Variants in GRIN2B observed in about 807,000 individuals in gnomAD.
GRIN2B encodes glutamate receptor ionotropic, NMDA 2B.
In GRIN2B, 5 loss-of-function variants were observed where a neutral mutation model predicts 114.5. The ratio of observed to expected loss-of-function variants is 0.04; its 90% CI spans 0.02 to 0.09. GRIN2B has a LOEUF of 0.09. Among genes scored for constraint, GRIN2B ranks in the 10% least tolerant of loss-of-function variants. The pLI is 1.00. For missense variants in GRIN2B, 1,108 were observed against 1,943.5 expected (o/e 0.57, Z 8.08); for synonymous variants, 787 against 745.1 (o/e 1.06, Z -0.92).
chr12:13,694,656 C>CAT (rs67570541), intron 4 of GRIN2B, among the ~76,000 whole-genome samples: 843 of 71,080 alleles, frequency 0.012, 10 homozygotes, highest in African/African-American at 0.016. Flanking sequence ...AAGAAAATGT[C>CAT]ATATATATAT....
At chr12:13,777,985 A>C (rs1231078833) in intron 3 of GRIN2B, among the ~76,000 whole-genome samples, 1 of 152,214 alleles carries the variant, frequency 6.6e-6, no homozygotes, top group Non-Finnish European at 1.5e-5. Flanking sequence ...GTCAAGCCTT[A>C]ACTGGTTTCT....
At chr12:13,800,466 G>C (rs1407239893) in intron 3 of GRIN2B, among the ~76,000 whole-genome samples, 1 of 152,020 alleles carries the variant, frequency 6.6e-6, no homozygotes, top group Non-Finnish European at 1.5e-5. Context: ...TGCTAAAGTG[G>C]CTTCATAGTT....
intron 10 of GRIN2B, among the ~76,000 whole-genome samples, chr12:13,589,511 CA>C (rs1948976451): frequency 6.6e-6 from 1 of 152,196 alleles, no homozygotes; most frequent in African/African-American, 2.4e-5. Context: ...TTAGTACCAA[CA>C]AAAAGATCAG....
intron 3 of GRIN2B, among the ~76,000 whole-genome samples, chr12:13,860,011 A>C (rs1865728141): frequency 6.6e-6 from 1 of 152,238 alleles, no homozygotes; most frequent in South Asian, 2.1e-4. Flanking sequence ...AAATTAGTGA[A>C]GAAGCGTAGG....
chr12:13,567,715 A>G (rs1049778978), intron 12 of GRIN2B, among the ~76,000 whole-genome samples: 4 of 152,126 alleles, frequency 2.6e-5, no homozygotes, highest in African/African-American at 9.7e-5. Context: ...TACATTGTAC[A>G]AAAAGGCACT....
chr12:13,640,281 A>G (rs1949703052), intron 5 of GRIN2B, among the ~76,000 whole-genome samples: 1 of 152,176 alleles, frequency 6.6e-6, no homozygotes, highest in Non-Finnish European at 1.5e-5. Context: ...AAATGTAGAT[A>G]TCAACTATAT....
chr12:13,956,562 T>A (rs181334546), intron 2 of GRIN2B, among the ~76,000 whole-genome samples: 1 of 152,292 alleles, frequency 6.6e-6, no homozygotes, highest in African/African-American at 2.4e-5. Context: ...TTTCTCCAAG[T>A]CGTTTCCTCC....
chr12:13,662,787 G>A (rs1949937078), intron 5 of GRIN2B, among the ~76,000 whole-genome samples: 1 of 152,134 alleles, frequency 6.6e-6, no homozygotes, highest in Non-Finnish European at 1.5e-5. Context: ...GAGTGAGTAG[G>A]GCAGGCTTTA....
intron 4 of GRIN2B, among the ~76,000 whole-genome samples, chr12:13,708,782 TC>T (rs1950387098): frequency 6.6e-6 from 1 of 152,112 alleles, no homozygotes; most frequent in Admixed American, 6.6e-5. Context: ...GCAGTACTGT[TC>T]AGTGTACACT....
At chr12:13,709,963 A>G (rs1043150618) in intron 4 of GRIN2B, among the ~76,000 whole-genome samples, 2 of 152,036 alleles carry the variant, frequency 1.3e-5, no homozygotes, top group East Asian at 3.9e-4. Flanking sequence ...CCACAAAAGC[A>G]TATAAACAAA....
chr12:13,669,273 C>G (rs1203862633), intron 5 of GRIN2B, among the ~76,000 whole-genome samples: 8 of 151,998 alleles, frequency 5.3e-5, no homozygotes, highest in African/African-American at 1.9e-4. Context: ...AAGTGAACAG[C>G]TGATCTCCAC....
intron 4 of GRIN2B, among the ~76,000 whole-genome samples, chr12:13,704,521 C>T (rs557414281): frequency 6.6e-6 from 1 of 152,174 alleles, no homozygotes; most frequent in East Asian, 1.9e-4. Flanking sequence ...CATTACAGTT[C>T]TTCTTGGTCA....
rs1443408608 is a variant in GRIN2B at position 13,675,877 on chromosome 12, A to C, written c.1011-18T>G. On this transcript the variant is annotated intron_variant, in intron 4 of 13. Transcript: ENST00000609686. Reference sequence around the variant, plus strand: ...TCAGATACCTGTAAAGATAAAATAAAAGGAAGATTAAAAGTATGAAGAGGG... The same window carrying C: ...TCAGATACCTGTAAAGATAAAATAACAGGAAGATTAAAAGTATGAAGAGGG... 3.7e-6 allele frequency: 5 copies of C among 1,366,634 alleles called. No homozygotes were observed. In the African/African-American group the frequency reaches 7.1e-5, roughly 19 times the overall value. 84.7% of individuals were successfully genotyped at this position (1,366,634 alleles called of 1,614,324 possible). A position where few individuals can be genotyped will look rare whatever the true frequency, so the allele number is the denominator to read the frequency against.
intron 3 of GRIN2B, among the ~76,000 whole-genome samples, chr12:13,843,103 A>G (rs2216345): frequency 0.09 from 12,060 of 133,434 alleles, 711 homozygotes; most frequent in East Asian, 0.16. Flanking sequence ...TAGGCTTGCT[A>G]CACTGGGGAA....
In GRIN2B at chr12:13,550,765, T is replaced by C. The variant is rs1312444638; in HGVS notation, c.*12018A>G. On this transcript the variant is annotated 3_prime_UTR_variant, in exon 14 of 14. Transcript: ENST00000609686. ...AGTGGGATTGACTGTGCTAGACTGA[T>C]TGGGCTCGAGTTTGGAAACATTAAG... 6.6e-6 allele frequency: 1 copy of C among 152,192 alleles called. No individual in the cohort carries two copies. Among genetic ancestry groups the C allele is most frequent in the East Asian group, 1.9e-4 (1 of 5,176 alleles). 9.4% of individuals were successfully genotyped at this position (152,192 alleles called of 1,614,324 possible). A position where few individuals can be genotyped will look rare whatever the true frequency, so the allele number is the denominator to read the frequency against.
intron 2 of GRIN2B, among the ~76,000 whole-genome samples, chr12:13,876,318 T>C (rs1344096657): frequency 1.3e-5 from 2 of 152,180 alleles, no homozygotes; most frequent in African/African-American, 4.8e-5. Flanking sequence ...AACAATTTAC[T>C]TGAAAGCATC....
intron 10 of GRIN2B, among the ~76,000 whole-genome samples, chr12:13,574,120 G>T (rs1241757181): frequency 6.6e-6 from 1 of 152,214 alleles, no homozygotes; most frequent in Non-Finnish European, 1.5e-5. Flanking sequence ...CCCAAAGAGG[G>T]TAAGTAATTT....
At chr12:13,918,429 TA>T (rs1866768021) in intron 2 of GRIN2B, among the ~76,000 whole-genome samples, 1 of 152,090 alleles carries the variant, frequency 6.6e-6, no homozygotes, top group African/African-American at 2.4e-5. Context: ...ATACGGAAAA[TA>T]GTCAGTACTC....
At chr12:13,848,983 TCTC>T (rs1323813374) in intron 3 of GRIN2B, among the ~76,000 whole-genome samples, 2 of 151,686 alleles carry the variant, frequency 1.3e-5, no homozygotes, top group African/African-American at 2.4e-5. Context: ...CAGTGAGACT[TCTC>T]CTCGGGCACA....
Sources: gnomAD v4.1 joint callset for allele counts (sites outside exome capture counted in the v4.1 genomes callset) on GRCh38, gnomAD v4.1.1 for gene constraint, MANE v1.5 for transcripts, NCBI Gene and HGNC (gene_info 2026-07-23, HGNC 2026-07-21) for gene names.